The following SUMF1 variants were observed in gnomAD, a reference collection of about 807,000 sequenced individuals.
SUMF1 encodes the protein sulfatase modifying factor 1, also known as formylglycine-generating enzyme.
SUMF1 carries 48 observed loss-of-function variants against 47.6 expected under a neutral mutation model. That is an observed-to-expected ratio of 1.01 (90% confidence interval 0.80 to 1.28). The LOEUF (loss-of-function observed/expected upper bound fraction) is 1.28, where lower values mean the gene tolerates loss of function less well. SUMF1 is among the 50% of genes most tolerant of loss of function. SUMF1 has a pLI of 0.00. For missense variants in SUMF1, 571 were observed against 485.4 expected, an observed-to-expected ratio of 1.18 and a Z score of -1.66; for synonymous variants, 230 against 192.1, an observed-to-expected ratio of 1.20 and a Z score of -1.63.
At chr3:4,195,666 G>A (rs1421207494) in intron 8 of SUMF1, among the ~76,000 whole-genome samples, 2 of 152,154 alleles carry the variant, frequency 1.3e-5, no homozygotes, top group Non-Finnish European at 2.9e-5. Context: ...ATGGAGAGCA[G>A]TGCTGAATAT....
chr3:4,134,540 A>G (rs1054571855), intron 8 of SUMF1, among the ~76,000 whole-genome samples: 4 of 152,144 alleles, frequency 2.6e-5, no homozygotes, highest in Non-Finnish European at 4.4e-5. Context: ...TTGACACCCT[A>G]ACATCACAAT....
intron 8 of SUMF1, among the ~76,000 whole-genome samples, chr3:4,256,481 C>T (rs1696956634): frequency 1.4e-5 from 2 of 145,778 alleles, no homozygotes; most frequent in South Asian, 2.3e-4. Flanking sequence ...GAGAATACTA[C>T]AAACACCTCT....
At chr3:4,391,745 AG>A (rs1287201725) in intron 7 of SUMF1, among the ~76,000 whole-genome samples, 3 of 152,068 alleles carry the variant, frequency 2.0e-5, no homozygotes, top group Admixed American at 2.0e-4. Flanking sequence ...AGCCTCCAAA[AG>A]TATTGGGATT....
At position 4,467,205 on chromosome 3, in the gene SUMF1, G is replaced by A. The variant is rs1287300819; in HGVS notation, c.41C>T (p.Pro14Leu). 4 of 1,611,546 alleles carry A rather than the reference G, an allele frequency of 2.5e-6. No homozygotes were observed. The highest frequency in any genetic ancestry group is 2.2e-5 in the East Asian group (1 of 44,810). Residue 14 changes from proline to leucine, a missense_variant, in exon 1 of 9, where the codon CCT becomes CTT. Physicochemically the swap from Pro to Leu is moderately conservative, Grantham distance 98. Coordinates refer to ENST00000272902, the MANE Select transcript of SUMF1 (RefSeq NM_182760.4). Reference sequence around the variant, plus strand: ...CAGCAAGAGGACGAGACCCAGCTCAGGGCAACGTCCACACACCAGCCCTAG... The same window carrying A: ...CAGCAAGAGGACGAGACCCAGCTCAAGGCAACGTCCACACACCAGCCCTAG... ...PALGLVCGRC[P>L]ELGLVLLLLL... is the part of the protein sequence containing the mutation.
intron 8 of SUMF1, among the ~76,000 whole-genome samples, chr3:4,085,408 G>A (rs966301795): frequency 1.3e-5 from 2 of 151,992 alleles, no homozygotes; most frequent in Non-Finnish European, 2.9e-5. Context: ...GAGGTTGAGA[G>A]CTTCCACCAG....
intron 8 of SUMF1, among the ~76,000 whole-genome samples, chr3:4,365,877 G>C (rs1407779351): frequency 6.6e-6 from 1 of 152,018 alleles, no homozygotes; most frequent in Non-Finnish European, 1.5e-5. Context: ...TCCATATTTA[G>C]TGTTTCCTTC....
intron 8 of SUMF1, among the ~76,000 whole-genome samples, chr3:4,344,435 A>G (rs1182313028): frequency 1.3e-5 from 2 of 152,146 alleles, no homozygotes; most frequent in Non-Finnish European, 2.9e-5. Flanking sequence ...CAGCATCCCT[A>G]CAGAAGAGGG....
chr3:4,465,209 G>C (rs1348442774), intron 1 of SUMF1, among the ~76,000 whole-genome samples: 2 of 152,212 alleles, frequency 1.3e-5, no homozygotes, highest in East Asian at 1.9e-4. Context: ...TGGCGCGGTG[G>C]CTCACGTTTG....
intron 8 of SUMF1, among the ~76,000 whole-genome samples, chr3:4,211,417 T>C (rs1205341566): frequency 6.6e-6 from 1 of 151,540 alleles, no homozygotes; most frequent in East Asian, 1.9e-4. Flanking sequence ...AGTGAGAACA[T>C]GCAGTATTTT....
chr3:4,250,264 AAG>A (rs1320076046), intron 8 of SUMF1, among the ~76,000 whole-genome samples: 1 of 141,376 alleles, frequency 7.1e-6, no homozygotes, highest in South Asian at 2.6e-4. Context: ...GGAAAAGGGA[AAG>A]AGGGGGAAAG....
intron 8 of SUMF1, among the ~76,000 whole-genome samples, chr3:4,253,879 GA>G (rs1696873623): frequency 6.7e-6 from 1 of 150,052 alleles, no homozygotes; most frequent in Admixed American, 6.6e-5. Flanking sequence ...CAGCTTTGAA[GA>G]GAGCAGTGGT....
chr3:4,446,216 A>C (rs930913311), intron 3 of SUMF1, among the ~76,000 whole-genome samples: 1 of 152,094 alleles, frequency 6.6e-6, no homozygotes, highest in African/African-American at 2.4e-5. Context: ...CAATAATCCC[A>C]CCTGTCATGG....
chr3:4,461,038 C>A (rs886844265), intron 1 of SUMF1, among the ~76,000 whole-genome samples: 1 of 152,086 alleles, frequency 6.6e-6, no homozygotes, highest in African/African-American at 2.4e-5. Flanking sequence ...TTTCTATATC[C>A]CCACTGCCTA....
chr3:4,312,838 G>C, intron 8 of SUMF1: 5 of 1,520,212 alleles, frequency 3.3e-6, no homozygotes, highest in Non-Finnish European at 4.4e-6. Flanking sequence ...GAAGCTACTT[G>C]GAATATATAG....
At chr3:4,079,599 T>C (rs977473215) in intron 8 of SUMF1, among the ~76,000 whole-genome samples, 1 of 151,578 alleles carries the variant, frequency 6.6e-6, no homozygotes, top group Non-Finnish European at 1.5e-5. Context: ...CTAAGTTCTC[T>C]TGTTTGTGAA....
intron 8 of SUMF1, among the ~76,000 whole-genome samples, chr3:4,269,499 C>T (rs1697263978): frequency 6.6e-6 from 1 of 152,260 alleles, no homozygotes; most frequent in East Asian, 1.9e-4. Context: ...GCGTGTTTAG[C>T]AGATACATGC....
chr3:4,097,000 T>C lies in SUMF1; in HGVS notation c.1015-28255A>G, dbSNP rs1246737225. On this transcript the variant is annotated intron_variant and NMD_transcript_variant, in intron 8 of 12. Coordinates refer to the SUMF1 transcript ENST00000448413. ...GCATGGATCCAACTAAACATGTCTG[T>C]TGATTACATTTAGCCAGTATGTCAG... 2.0e-5 allele frequency among the ~76,000 whole-genome samples: 3 copies of C among 152,122 alleles called. 1 individual carries two copies. Among genetic ancestry groups the C allele is most frequent in the African/African-American group, 7.2e-5 (3 of 41,424 alleles).
chr3:4,268,582 T>G (rs1210926774), intron 8 of SUMF1, among the ~76,000 whole-genome samples: 1 of 149,042 alleles, frequency 6.7e-6, no homozygotes, highest in African/African-American at 2.5e-5. Context: ...CAGGAAACAC[T>G]ACTACATACT....
intron 8 of SUMF1, among the ~76,000 whole-genome samples, chr3:4,139,269 T>A (rs1267579618): frequency 6.6e-6 from 1 of 151,982 alleles, no homozygotes; most frequent in African/African-American, 2.4e-5. Flanking sequence ...CCTCACTGTT[T>A]CAGTTTCGTA....
Sources: allele counts gnomAD v4.1 joint callset (sites outside exome capture counted in the v4.1 genomes callset), GRCh38; gene constraint gnomAD v4.1.1; transcripts MANE v1.5; gene names NCBI Gene and HGNC (gene_info 2026-07-23, HGNC 2026-07-21).